CRYBG3: variants seen among roughly 807,000 people sequenced by gnomAD.
The protein encoded by CRYBG3 is very large A-kinase anchor protein.
In CRYBG3, 127 loss-of-function variants were observed where a neutral mutation model predicts 244.2. The ratio of observed to expected loss-of-function variants is 0.52; its 90% CI spans 0.45 to 0.60. CRYBG3 has a LOEUF of 0.60. Among genes scored for constraint, CRYBG3 ranks in the 20% least tolerant of loss-of-function variants. The probability of loss-of-function intolerance (pLI) is 0.00; values close to 1 mark genes in which losing one functional copy is unlikely to be tolerated. For missense variants in CRYBG3, 3,325 were observed against 3,442.5 expected (o/e 0.97, Z 0.85); for synonymous variants, 1,132 against 1,195.8 (o/e 0.95, Z 1.10).
intron 10 of CRYBG3, among the ~76,000 whole-genome samples, chr3:97,891,144 T>C (rs2039571106): frequency 6.6e-6 from 1 of 152,192 alleles, no homozygotes; most frequent in South Asian, 2.1e-4. Context: ...AGTCAATAGA[T>C]AATTTATTGT....
Position 97,878,035 on chromosome 3 carries a change from G to A in CRYBG3, c.6841G>A (p.Glu2281Lys), listed in dbSNP as rs149984020. ...CCCAGGCAGATTGAGCCCATTTATA[G>A]AGGTAAGTTATTTTGTTTATTGTAT... is the stretch of plus-strand genomic sequence containing the variant. ...DSPGRLSPFI[E>K]NVDKQTLRCN... The change falls in exon 4 of 22, where the codon GAG becomes AAG. Residue 2281 changes from glutamate (E) to lysine (K), a missense_variant and splice_region_variant. By Grantham distance (56) the Glu-to-Lys change is moderately conservative. Coordinates refer to ENST00000389622, the MANE Select transcript of CRYBG3 (RefSeq NM_153605.4). The A allele has an allele frequency of 5.6e-3, 9,019 of 1,597,998 alleles. 35 individuals carry two copies. Among genetic ancestry groups the A allele is most frequent in the Non-Finnish European group, 6.6e-3 (7,774 of 1,175,028 alleles).
rs377545004 is a variant in CRYBG3, at chr3:97,877,515, C to T, written c.6321C>T (p.His2107=). 1 of 1,614,108 alleles carries T rather than the reference C, an allele frequency of 6.2e-7. No individual in the cohort carries two copies. Among genetic ancestry groups the T allele is most frequent in the Non-Finnish European group, 8.5e-7 (1 of 1,180,022 alleles). Residue 2107 remains histidine, a synonymous_variant, in exon 4 of 22, where the codon CAC becomes CAT. Coordinates refer to ENST00000389622, the MANE Select transcript of CRYBG3 (RefSeq NM_153605.4). ...TATCTAGTGAGGTTTCACCTGGTCA[C>T]CATGGCCCCAGGAAATCAAGAGACA... is the stretch of plus-strand genomic sequence containing the variant. ...DILSSEVSPG[H]HGPRKSRDSE... is the part of the protein sequence containing the mutation.
chr3:97,934,908 A>T (rs1048860747), intron 18 of CRYBG3, among the ~76,000 whole-genome samples: 1 of 151,858 alleles, frequency 6.6e-6, no homozygotes, highest in African/African-American at 2.4e-5. Context: ...ACTTCTGAAA[A>T]TTTCTCACTT....
rs765746967 is a variant in CRYBG3 at position 97,896,063 on chromosome 3, T to G, written c.7679T>G (p.Leu2560Trp). 3 of 1,612,590 alleles carry G rather than the reference T, an allele frequency of 1.9e-6. No homozygotes were observed. Among genetic ancestry groups the G allele is most frequent in the East Asian group, 4.5e-5 (2 of 44,818 alleles). ...TGTGGTGCATTAAGTAGCCCTATCT[T>G]GTCTTTCCGGTACTTACAAGCTGTG... ...NACGALSSPI[L>W]SFRYLQANFI... The change falls in exon 12 of 22, where the codon TTG becomes TGG. Residue 2560 changes from leucine (L) to tryptophan (W), a missense_variant. Physicochemically the swap from Leu to Trp is moderately conservative, Grantham distance 61. Transcript: ENST00000389622.
In CRYBG3 at chr3:97,877,027, C is replaced by A; in HGVS notation, c.5833C>A (p.Pro1945Thr). ...PTLSKDYEGYPAPAMPDFQPG... is the reference protein window; with the variant it reads ...PTLSKDYEGYTAPAMPDFQPG... ...ATTAAGTAAGGATTATGAGGGCTAC[C>A]CAGCCCCAGCAATGCCAGATTTTCA... Residue 1945 changes from proline (P) to threonine (T), a missense_variant, in exon 4 of 22, where the codon CCA (proline) becomes ACA (threonine). Physicochemically the swap from Pro to Thr is conservative, Grantham distance 38. Transcript: ENST00000389622. The A allele has an allele frequency of 6.3e-7, 1 of 1,575,794 alleles. No homozygotes were observed.
intron 15 of CRYBG3, among the ~76,000 whole-genome samples, chr3:97,902,349 G>T (rs1399813569): frequency 6.6e-6 from 1 of 152,118 alleles, no homozygotes; most frequent in Non-Finnish European, 1.5e-5. Context: ...TAAAAATATT[G>T]TTGCTGACCT....
chr3:97,870,252 C>G (rs2039286051), intron 3 of CRYBG3, among the ~76,000 whole-genome samples: 1 of 152,130 alleles, frequency 6.6e-6, no homozygotes. Flanking sequence ...AGGTAATGGA[C>G]ATAGTACCTG....
intron 16 of CRYBG3, among the ~76,000 whole-genome samples, chr3:97,914,852 A>G (rs1399328955): frequency 2.0e-5 from 3 of 152,172 alleles, no homozygotes; most frequent in African/African-American, 7.2e-5. Context: ...GGTGATCTTA[A>G]AATACAGGGC....
At chr3:97,921,381 T>C (rs2039983379) in intron 17 of CRYBG3, among the ~76,000 whole-genome samples, 1 of 152,150 alleles carries the variant, frequency 6.6e-6, no homozygotes, top group Admixed American at 6.6e-5. Flanking sequence ...CTGTCACTCT[T>C]ATGTCCCCTC....
intron 2 of CRYBG3, among the ~76,000 whole-genome samples, chr3:97,853,389 C>T (rs2039016731): frequency 7.5e-6 from 1 of 133,124 alleles, no homozygotes; most frequent in Non-Finnish European, 1.6e-5. Flanking sequence ...TACACACAGA[C>T]ACACACACAC....
At chr3:97,914,390 A>G (rs554674531) in intron 16 of CRYBG3, among the ~76,000 whole-genome samples, 114 of 152,302 alleles carry the variant, frequency 7.5e-4, no homozygotes, top group Admixed American at 7.5e-3. Context: ...GAAGCATTGA[A>G]GTTTTTCTGG....
chr3:97,836,107 A>G (rs1301924488), intron 1 of CRYBG3, among the ~76,000 whole-genome samples: 1 of 152,124 alleles, frequency 6.6e-6, no homozygotes, highest in Non-Finnish European at 1.5e-5. Flanking sequence ...GAAATAAGTC[A>G]GCCTCAAGGT....
intron 15 of CRYBG3, among the ~76,000 whole-genome samples, chr3:97,909,036 G>T (rs572826004): frequency 6.6e-6 from 1 of 152,028 alleles, no homozygotes; most frequent in Non-Finnish European, 1.5e-5. Flanking sequence ...TGAAATTCTG[G>T]GTTGAAAATT....
chr3:97,898,298 A>C (rs1360494191), intron 12 of CRYBG3, among the ~76,000 whole-genome samples: 2 of 150,942 alleles, frequency 1.3e-5, no homozygotes, highest in South Asian at 4.2e-4. Context: ...GAAATTAGAC[A>C]TTTGCATATT....
At chr3:97,942,910 A>G (rs1187847794) in intron 21 of CRYBG3, 1 of 280,584 alleles carries the variant, frequency 3.6e-6, no homozygotes, top group African/African-American at 2.3e-5. Context: ...TTGTTGGTGT[A>G]GAAACAAAAA....
chr3:97,884,037 G>T (rs190252139), intron 7 of CRYBG3, among the ~76,000 whole-genome samples: 168 of 152,250 alleles, frequency 1.1e-3, no homozygotes, highest in African/African-American at 3.7e-3. Context: ...GAGGAAATTT[G>T]TTTGTGTGAG....
At chr3:97,849,638 A>G (rs1490915915) in intron 2 of CRYBG3, among the ~76,000 whole-genome samples, 2 of 152,190 alleles carry the variant, frequency 1.3e-5, no homozygotes, top group African/African-American at 4.8e-5. Flanking sequence ...CACTTCAACT[A>G]TGGTATACCT....
chr3:97,886,007 A>T (rs2039503084), intron 7 of CRYBG3, among the ~76,000 whole-genome samples: 1 of 152,168 alleles, frequency 6.6e-6, no homozygotes, highest in Non-Finnish European at 1.5e-5. Context: ...GTCTCACAGG[A>T]CAATGGGTGC....
chr3:97,902,800 T>C (rs1394507888), intron 15 of CRYBG3, among the ~76,000 whole-genome samples: 1 of 152,310 alleles, frequency 6.6e-6, no homozygotes, highest in East Asian at 1.9e-4. Context: ...AGGATCGCTA[T>C]AGAATTCTTC....
Sources: gnomAD v4.1 joint callset for allele counts (sites outside exome capture counted in the v4.1 genomes callset) on GRCh38, gnomAD v4.1.1 for gene constraint, MANE v1.5 for transcripts, NCBI Gene and HGNC (gene_info 2026-07-23, HGNC 2026-07-21) for gene names.